DPP10: variants seen among roughly 807,000 people sequenced by gnomAD.
DPP10 encodes dipeptidyl peptidase like 10, also known as inactive dipeptidyl peptidase 10.
A neutral mutation model predicts 120.9 loss-of-function variants in DPP10; 33 were observed. The ratio of observed to expected loss-of-function variants is 0.27; its 90% confidence interval spans 0.21 to 0.37. The LOEUF (loss-of-function observed/expected upper bound fraction) is 0.37, where lower values mean the gene tolerates loss of function less well. DPP10 is among the 10% of genes least tolerant of loss of function. The pLI, the probability that DPP10 is intolerant of heterozygous loss-of-function variation, is 1.00. For missense variants in DPP10, 816 were observed against 942.8 expected, an observed-to-expected ratio of 0.87 and a Z score of 1.76; for synonymous variants, 337 against 326.1, an observed-to-expected ratio of 1.03 and a Z score of -0.36.
chr2:115,320,819 C>A (rs889971701), intron 2 of DPP10, among the ~76,000 whole-genome samples: 2 of 152,056 alleles, frequency 1.3e-5, no homozygotes, highest in African/African-American at 4.8e-5. Context: ...TTTGTTTCTT[C>A]ATATAGCTTC....
intron 5 of DPP10, among the ~76,000 whole-genome samples, chr2:115,640,185 A>C (rs1037752407): frequency 2.6e-5 from 4 of 152,130 alleles, no homozygotes; most frequent in Non-Finnish European, 5.9e-5. Flanking sequence ...AAGGAAAAGT[A>C]ATACTGGTCT....
chr2:114,559,585 T>C (rs989986156), intron 1 of DPP10, among the ~76,000 whole-genome samples: 5 of 152,132 alleles, frequency 3.3e-5, no homozygotes, highest in Admixed American at 3.3e-4. Context: ...GTTCCTCACA[T>C]TGAACCCTAC....
chr2:115,385,776 T>A (rs528199033), intron 3 of DPP10, among the ~76,000 whole-genome samples: 68 of 152,348 alleles, frequency 4.5e-4, no homozygotes, highest in African/African-American at 1.5e-3. Context: ...AAACTTTGAT[T>A]TGAAAAATTT....
intron 1 of DPP10, among the ~76,000 whole-genome samples, chr2:114,531,467 T>TTA (rs1180840397): frequency 1.3e-5 from 2 of 150,214 alleles, no homozygotes; most frequent in East Asian, 1.9e-4. Context: ...AATAAATCTT[T>TTA]TATATATATA....
At chr2:114,734,457 C>G (rs917206080) in intron 1 of DPP10, among the ~76,000 whole-genome samples, 8 of 152,112 alleles carry the variant, frequency 5.3e-5, no homozygotes, top group African/African-American at 1.9e-4. Flanking sequence ...TTACCTATAG[C>G]CTGGAAACCC....
chr2:115,337,128 G>A (rs1169777831), intron 2 of DPP10, among the ~76,000 whole-genome samples: 1 of 144,516 alleles, frequency 6.9e-6, no homozygotes, highest in South Asian at 2.2e-4. Context: ...TTGTAGACAA[G>A]TGTCTTGAAG....
intron 1 of DPP10, among the ~76,000 whole-genome samples, chr2:115,002,299 C>T (rs985939323): frequency 1.3e-5 from 2 of 152,092 alleles, no homozygotes; most frequent in African/African-American, 4.8e-5. Flanking sequence ...ATAAATAGGG[C>T]TGAGATAACT....
At chr2:114,521,000 A>G (rs1434759325) in intron 1 of DPP10, among the ~76,000 whole-genome samples, 2 of 152,318 alleles carry the variant, frequency 1.3e-5, no homozygotes, top group Middle Eastern at 3.4e-3. Flanking sequence ...TCTGGTCTAG[A>G]GAGAACTTTC....
At chr2:115,634,135 C>T (rs1157420081) in intron 5 of DPP10, among the ~76,000 whole-genome samples, 3 of 152,086 alleles carry the variant, frequency 2.0e-5, no homozygotes, top group Non-Finnish European at 4.4e-5. Flanking sequence ...TCAGCTCCAT[C>T]CGGTCATTTA....
chr2:115,227,606 A>G (rs1054735582), intron 1 of DPP10, among the ~76,000 whole-genome samples: 7 of 152,202 alleles, frequency 4.6e-5, no homozygotes, highest in Admixed American at 2.0e-4. Flanking sequence ...GTAGGCGCCA[A>G]TATGTTTTTT....
At chr2:115,742,280 AAC>A (rs1677374322) in intron 9 of DPP10, among the ~76,000 whole-genome samples, 1 of 152,136 alleles carries the variant, frequency 6.6e-6, no homozygotes, top group South Asian at 2.1e-4. Flanking sequence ...TATTTCCAAA[AAC>A]ACAGCTGGAA....
intron 5 of DPP10, among the ~76,000 whole-genome samples, chr2:115,623,963 C>T (rs1294924321): frequency 1.3e-5 from 2 of 152,032 alleles, no homozygotes; most frequent in African/African-American, 4.8e-5. Context: ...ATTTACTCAA[C>T]ATCTTTCTTT....
chr2:114,945,036 A>G (rs147804886), intron 1 of DPP10, among the ~76,000 whole-genome samples: 1 of 152,208 alleles, frequency 6.6e-6, no homozygotes, highest in Non-Finnish European at 1.5e-5. Flanking sequence ...GAGTGTCCAT[A>G]TGCAAAAACC....
chr2:115,490,494 A>G (rs970693351), intron 3 of DPP10, among the ~76,000 whole-genome samples: 4 of 152,100 alleles, frequency 2.6e-5, no homozygotes, highest in Non-Finnish European at 4.4e-5. Flanking sequence ...AACCATATCA[A>G]TGGTTTTACC....
chr2:114,636,546 C>T (rs183143102), intron 1 of DPP10, among the ~76,000 whole-genome samples: 4 of 151,988 alleles, frequency 2.6e-5, no homozygotes, highest in African/African-American at 9.7e-5. Context: ...CTGTTTAGAC[C>T]TTGAGGAACA....
chr2:115,679,286 A>G (rs566675012), intron 5 of DPP10, among the ~76,000 whole-genome samples: 2 of 152,184 alleles, frequency 1.3e-5, no homozygotes, highest in South Asian at 2.1e-4. Flanking sequence ...CCTACATGTC[A>G]TAGGAGGGAC....
At chr2:114,892,291 T>C (rs1457543963) in intron 1 of DPP10, among the ~76,000 whole-genome samples, 5 of 152,190 alleles carry the variant, frequency 3.3e-5, no homozygotes, top group Non-Finnish European at 7.3e-5. Flanking sequence ...ATATTTTGTA[T>C]TAACCATCTG....
intron 5 of DPP10, among the ~76,000 whole-genome samples, chr2:115,668,061 G>A (rs1229469177): frequency 2.0e-5 from 3 of 151,966 alleles, no homozygotes; most frequent in Non-Finnish European, 4.4e-5. Flanking sequence ...GCATCTTTGT[G>A]TATCTTATAA....
At chr2:115,593,755 G>A (rs1234260616) in intron 5 of DPP10, among the ~76,000 whole-genome samples, 4 of 152,072 alleles carry the variant, frequency 2.6e-5, no homozygotes, top group African/African-American at 9.7e-5. Flanking sequence ...TTTTACCAAA[G>A]ACAAATCATA....
Sources: allele counts gnomAD v4.1 joint callset (sites outside exome capture counted in the v4.1 genomes callset), GRCh38; gene constraint gnomAD v4.1.1; transcripts MANE v1.5; gene names NCBI Gene and HGNC (gene_info 2026-07-23, HGNC 2026-07-21).